GGA2: variants seen among roughly 807,000 people sequenced by gnomAD.
The protein encoded by GGA2 is golgi associated, gamma adaptin ear containing, ARF binding protein 2, also known as ADP-ribosylation factor-binding protein GGA2.
In GGA2, 48 loss-of-function variants were observed where a neutral mutation model predicts 79.5. The ratio of observed to expected loss-of-function variants is 0.60; its 90% confidence interval spans 0.48 to 0.77. The LOEUF (loss-of-function observed/expected upper bound fraction) is 0.77, where lower values mean the gene tolerates loss of function less well. GGA2 is among the 30% of genes least tolerant of loss of function. GGA2 has a pLI of 0.00. For missense variants in GGA2, 770 were observed against 774.0 expected, an observed-to-expected ratio of 0.99 and a Z score of 0.06; for synonymous variants, 317 against 302.0, an observed-to-expected ratio of 1.05 and a Z score of -0.51.
chr16:23,508,702 C>T (rs1157461704), intron 1 of GGA2, among the ~76,000 whole-genome samples: 2 of 152,108 alleles, frequency 1.3e-5, no homozygotes, highest in African/African-American at 2.4e-5. Context: ...AAGCTTCTCC[C>T]GCAAGCTCAC....
chr16:23,484,397 G>A (rs1306102731), intron 8 of GGA2, among the ~76,000 whole-genome samples: 3 of 152,102 alleles, frequency 2.0e-5, no homozygotes, highest in South Asian at 2.1e-4. Context: ...CAGCCTGGGC[G>A]ACAGAGCGAG....
upstream of GGA2, chr16:23,510,516 T>A (rs1596998795): frequency 2.3e-6 from 1 of 434,094 alleles, no homozygotes; most frequent in Non-Finnish European, 3.8e-6. Context: ...GGTGGACACG[T>A]GACGGGGCGG....
chr16:23,505,292 G>A (rs1273124088), intron 1 of GGA2, among the ~76,000 whole-genome samples: 4 of 152,126 alleles, frequency 2.6e-5, no homozygotes, highest in African/African-American at 9.7e-5. Context: ...GGCCTCCCTG[G>A]TAGCGCTACC....
chr16:23,478,216 A>T, intron 13 of GGA2, 152 bp downstream of exon 13: 2 of 568,708 alleles, frequency 3.5e-6, no homozygotes, highest in East Asian at 3.2e-5. Context: ...AAAAAAAAAG[A>T]AAAAAAGACA....
Position 23,464,997 on chromosome 16 carries a change from G to A in GGA2, c.*2593C>T, listed in dbSNP as rs759599210. 5.3e-5 allele frequency: 16 copies of A among 303,898 alleles called. No homozygotes were observed. Among genetic ancestry groups the A allele is most frequent in the South Asian group, 1.1e-4 (2 of 18,220 alleles). The allele number at this position is 303,898 out of a possible 1,614,324, so 18.8% of individuals were successfully genotyped here. A position where few individuals can be genotyped will look rare whatever the true frequency, so the allele number is the denominator to read the frequency against. ...AAGAGCAGTCACGGAGGTAGGTCAC[G>A]AAATGGGTCAACAGGACCCCCGAAG... On this transcript the variant is annotated 3_prime_UTR_variant, in exon 17 of 17. Transcript: ENST00000309859.
At chr16:23,487,883 C>T (rs1236881396) in intron 6 of GGA2, among the ~76,000 whole-genome samples, 1 of 152,048 alleles carries the variant, frequency 6.6e-6, no homozygotes, top group African/African-American at 2.4e-5. Context: ...GAGTACGCAG[C>T]GTGTAGCCTT....
At chr16:23,520,788 T>G (rs1233376109) in intron 1 of GGA2, among the ~76,000 whole-genome samples, 3 of 151,930 alleles carry the variant, frequency 2.0e-5, no homozygotes, top group African/African-American at 7.3e-5. Context: ...TAATTTCGCT[T>G]TTTTATTAAT....
In GGA2 at chr16:23,465,218, T is replaced by C; in HGVS notation, c.*2372A>G. The C allele has an allele frequency of 1.6e-6, 1 of 641,762 alleles. No homozygotes were observed. Among genetic ancestry groups the C allele is most frequent in the Non-Finnish European group, 2.8e-6 (1 of 355,226 alleles). 39.8% of individuals were successfully genotyped at this position (641,762 alleles called of 1,614,324 possible). A position where few individuals can be genotyped will look rare whatever the true frequency, so the allele number is the denominator to read the frequency against. On this transcript the variant is annotated 3_prime_UTR_variant, in exon 17 of 17. Transcript: ENST00000309859. The stretch of plus-strand genomic sequence containing the variant: ...CCAGGCTGGACTTGAAATCCTGGGC[T>C]CAAGCGGTCATCCCACTCAGCCTCC...
At chr16:23,480,375 G>T in intron 10 of GGA2, 1 of 394,184 alleles carries the variant, frequency 2.5e-6, no homozygotes, top group East Asian at 4.3e-5. Context: ...TCTAGCTCCT[G>T]TATGCAAGCA....
Position 23,475,861 on chromosome 16 carries a change from C to T in GGA2, c.1293-800G>A, listed in dbSNP as rs552039091. 1.9e-4 allele frequency among the ~76,000 whole-genome samples: 29 copies of T among 149,824 alleles called. No individual in the cohort carries two copies. In the East Asian group the frequency reaches 2.0e-3, roughly 10 times the overall value. Reference sequence around the variant, plus strand: ...AGGAGAATGGCTAGAGCCTGGGAGGCGGAGGTTGTGGTGAGCCGAGATCAC... The same window carrying T: ...AGGAGAATGGCTAGAGCCTGGGAGGTGGAGGTTGTGGTGAGCCGAGATCAC... On this transcript the variant is annotated intron_variant, in intron 13 of 16. Coordinates refer to ENST00000309859, the MANE Select transcript of GGA2 (RefSeq NM_015044.4).
At position 23,479,906 on chromosome 16, in the gene GGA2, G is replaced by A. The variant is rs1395814072; in HGVS notation, c.1007-19C>T. The A allele has an allele frequency of 6.2e-7, 1 of 1,613,248 alleles. No homozygotes were observed. Among genetic ancestry groups the A allele is most frequent in the Non-Finnish European group, 8.5e-7 (1 of 1,179,566 alleles). On this transcript the variant is annotated intron_variant, in intron 10 of 16. Coordinates refer to ENST00000309859, the MANE Select transcript of GGA2 (RefSeq NM_015044.4). Reference sequence around the variant, plus strand: ...TGAAAGACTAGAAAGCCCAGGGTTAGGAAGAGAAGTCAGTTGGACATGAGA... The same window carrying A: ...TGAAAGACTAGAAAGCCCAGGGTTAAGAAGAGAAGTCAGTTGGACATGAGA...
chr16:23,521,759 T>C (rs772870436), intron 1 of GGA2: 8 of 449,484 alleles, frequency 1.8e-5, no homozygotes, highest in Non-Finnish European at 3.1e-5. Context: ...ATCGACTTAG[T>C]ATTTTGACCA....
chr16:23,475,613 G>A (rs1000720230), intron 13 of GGA2, among the ~76,000 whole-genome samples: 5 of 151,694 alleles, frequency 3.3e-5, no homozygotes, highest in Non-Finnish European at 5.9e-5. Context: ...TGTATGAAAA[G>A]CACTTAGAGG....
intron 1 of GGA2, among the ~76,000 whole-genome samples, chr16:23,519,857 T>C (rs889391604): frequency 6.6e-6 from 1 of 152,200 alleles, no homozygotes; most frequent in African/African-American, 2.4e-5. Flanking sequence ...TCTGAGTGTG[T>C]TTCTATGCAT....
intron 14 of GGA2, among the ~76,000 whole-genome samples, chr16:23,474,360 A>C (rs947013623): frequency 1.3e-5 from 2 of 151,620 alleles, no homozygotes; most frequent in Non-Finnish European, 2.9e-5. Flanking sequence ...AAAGAAGCAA[A>C]CTTTTTTTTT....
At position 23,465,584 on chromosome 16, in the gene GGA2, G is replaced by T. The variant is rs1004472702; in HGVS notation, c.*2006C>A. On this transcript the variant is annotated 3_prime_UTR_variant, in exon 17 of 17. Coordinates refer to ENST00000309859, the MANE Select transcript of GGA2 (RefSeq NM_015044.4). ...CCCATTTTGACCAAAACCCTTCAGA[G>T]GGAGATGCTGTCATTATGATGGGTA... The T allele has an allele frequency of 3.3e-6, 2 of 607,214 alleles. No individual in the cohort carries two copies. The highest frequency in any genetic ancestry group is 5.5e-5 in the East Asian group (2 of 36,330). The allele number at this position is 607,214 out of a possible 1,614,324, so 37.6% of individuals were successfully genotyped here.
At chr16:23,490,600 T>TG (rs1244980496) in intron 5 of GGA2, among the ~76,000 whole-genome samples, 1 of 152,042 alleles carries the variant, frequency 6.6e-6, no homozygotes, top group Non-Finnish European at 1.5e-5. Context: ...CCAGGCATGG[T>TG]GGCAGGTGCC....
intron 15 of GGA2, 189 bp from the exon 16 acceptor site, chr16:23,469,185 G>A (rs554442149): frequency 6.2e-4 from 317 of 513,764 alleles, no homozygotes; most frequent in Non-Finnish European, 9.8e-4. Flanking sequence ...AAGGATCTAA[G>A]AGGCCTTTCC....
At chr16:23,490,472 C>A (rs779736896) in intron 5 of GGA2, among the ~76,000 whole-genome samples, 3 of 152,162 alleles carry the variant, frequency 2.0e-5, no homozygotes, top group Admixed American at 2.0e-4. Context: ...CGGTGGCTCA[C>A]GCCTGTAATT....
Sources: allele counts gnomAD v4.1 joint callset (sites outside exome capture counted in the v4.1 genomes callset), GRCh38; gene constraint gnomAD v4.1.1; transcripts MANE v1.5; gene names NCBI Gene and HGNC (gene_info 2026-07-23, HGNC 2026-07-21).